Variants in ATP2B4 observed in about 807,000 individuals in gnomAD.
The protein encoded by ATP2B4 is plasma membrane calcium-transporting ATPase 4.
In ATP2B4, 39 loss-of-function variants were observed where a neutral mutation model predicts 110.3. That is an observed-to-expected ratio of 0.35 (90% confidence interval 0.27 to 0.46). The LOEUF (loss-of-function observed/expected upper bound fraction) is 0.46. Ranked by LOEUF, ATP2B4 falls within the 20% of genes least tolerant of loss-of-function variation. ATP2B4 has a pLI of 1.00. For missense variants in ATP2B4, 1,135 were observed against 1,530.9 expected (o/e 0.74, Z 4.32); for synonymous variants, 538 against 571.7 (o/e 0.94, Z 0.84).
intron 8 of ATP2B4, among the ~76,000 whole-genome samples, chr1:203,706,708 T>C (rs901809965): frequency 6.6e-5 from 10 of 152,162 alleles, no homozygotes; most frequent in African/African-American, 2.4e-4. Flanking sequence ...CCCTGATTTA[T>C]GAATGAGGAA....
intron 1 of ATP2B4, among the ~76,000 whole-genome samples, chr1:203,648,244 AG>A (rs1472356490): frequency 6.6e-6 from 1 of 152,170 alleles, no homozygotes; most frequent in Non-Finnish European, 1.5e-5. Context: ...AGAGAAGCTA[AG>A]TATATTTTAT....
At chr1:203,643,914 G>A (rs535167466) in intron 1 of ATP2B4, among the ~76,000 whole-genome samples, 1 of 152,322 alleles carries the variant, frequency 6.6e-6, no homozygotes, top group East Asian at 1.9e-4. Flanking sequence ...TATACTCGGT[G>A]TTTAGCACAG....
In ATP2B4 at chr1:203,705,078, G is replaced by A. The variant is rs900931749; in HGVS notation, c.1099+1265G>A. Among the ~76,000 whole-genome samples, 10 of 152,280 alleles carry A rather than the reference G, an allele frequency of 6.6e-5. No individual in the cohort carries two copies. The East Asian group carries it at 1.9e-3, about 29-fold the overall frequency. Reference sequence around the variant, plus strand: ...CTGCTGCAATTTAAATTAATTAAAAGTAAATAAAGTTAAAAATCCAGTTGC... The same window carrying A: ...CTGCTGCAATTTAAATTAATTAAAAATAAATAAAGTTAAAAATCCAGTTGC... On this transcript the variant is annotated intron_variant, in intron 8 of 20. Coordinates refer to ENST00000357681, the MANE Select transcript of ATP2B4 (RefSeq NM_001684.5).
intron 8 of ATP2B4, 93 bp from the exon 9 acceptor site, chr1:203,706,916 C>T: frequency 9.3e-7 from 1 of 1,073,188 alleles, no homozygotes; most frequent in Non-Finnish European, 1.4e-6. Flanking sequence ...TAATAATTGG[C>T]AACAAAGGCT....
chr1:203,717,884 TC>T (rs1666205023), intron 15 of ATP2B4, among the ~76,000 whole-genome samples: 1 of 152,020 alleles, frequency 6.6e-6, no homozygotes, highest in African/African-American at 2.4e-5. Flanking sequence ...CCGCAAGTGA[TC>T]CACCTACCTC....
intron 20 of ATP2B4, among the ~76,000 whole-genome samples, chr1:203,731,189 A>G (rs1666698511): frequency 6.6e-6 from 1 of 152,160 alleles, no homozygotes; most frequent in Admixed American, 6.5e-5. Flanking sequence ...CCTCAGTCCC[A>G]GGGAACTAAA....
chr1:203,687,994 GATTATTATT>G (rs71145015), intron 2 of ATP2B4, among the ~76,000 whole-genome samples: 1,563 of 138,666 alleles, frequency 0.011, 26 homozygotes, highest in East Asian at 0.017. Flanking sequence ...GAGAGAAAGA[GATTATTATT>G]ATTATTATTA....
intron 1 of ATP2B4, among the ~76,000 whole-genome samples, chr1:203,656,392 AAGTAGGT>A (rs1394486651): frequency 6.6e-6 from 1 of 152,182 alleles, no homozygotes; most frequent in East Asian, 1.9e-4. Flanking sequence ...AAACAGTGCC[AAGTAGGT>A]ATTATTCTAC....
chr1:203,722,348 C>A, intron 17 of ATP2B4, 130 bp from the exon 18 acceptor site: 1 of 738,756 alleles, frequency 1.4e-6, no homozygotes, highest in Non-Finnish European at 2.3e-6. Flanking sequence ...AAATAAATAA[C>A]TAGTGCAGCT....
At chr1:203,650,486 T>C (rs2102317179) in intron 1 of ATP2B4, among the ~76,000 whole-genome samples, 1 of 152,304 alleles carries the variant, frequency 6.6e-6, no homozygotes, top group Admixed American at 6.5e-5. Context: ...GCCCGCCTTA[T>C]TTGGGGCTTC....
rs190229258 is a variant in ATP2B4 at position 203,716,284 on chromosome 1, C to A, written c.2406+2007C>A. On this transcript the variant is annotated intron_variant, in intron 15 of 20. Transcript: ENST00000357681. The stretch of plus-strand genomic sequence containing the variant: ...TTGCAGTCTTTCTTATGCTCTCCCT[C>A]CCATGAGGAGTCAAACAGAGTCCAT... Among the ~76,000 whole-genome samples, 308 of 145,222 alleles carry A rather than the reference C, an allele frequency of 2.1e-3. 42 individuals carry two copies. The highest frequency in any genetic ancestry group is 0.011 in the Middle Eastern group (3 of 280).
intron 20 of ATP2B4, chr1:203,729,615 C>A (rs1324806077): frequency 2.8e-6 from 2 of 721,254 alleles, no homozygotes. Flanking sequence ...TACTTCCAGG[C>A]AGGTGCTTTT....
chr1:203,714,593 C>T (rs917559191), intron 15 of ATP2B4, among the ~76,000 whole-genome samples: 1 of 152,154 alleles, frequency 6.6e-6, no homozygotes, highest in Non-Finnish European at 1.5e-5. Flanking sequence ...CTATGGTAGG[C>T]GCTCTGTGTG....
chr1:203,683,661 T>C (rs571082101), intron 2 of ATP2B4, among the ~76,000 whole-genome samples: 23 of 142,400 alleles, frequency 1.6e-4, no homozygotes, highest in Admixed American at 7.1e-4. Flanking sequence ...CTTCTTCTTT[T>C]GTTTCTTTTT....
At chr1:203,701,525 A>G (rs1465603725) in intron 6 of ATP2B4, among the ~76,000 whole-genome samples, 1 of 152,220 alleles carries the variant, frequency 6.6e-6, no homozygotes, top group Non-Finnish European at 1.5e-5. Flanking sequence ...AGGGGAGAGA[A>G]GGTTTCTACC....
At chr1:203,710,110 G>A (rs937266413) in intron 11 of ATP2B4, among the ~76,000 whole-genome samples, 3 of 152,122 alleles carry the variant, frequency 2.0e-5, no homozygotes, top group African/African-American at 7.2e-5. Flanking sequence ...GCTCACGCCT[G>A]TAATCCCAGC....
intron 4 of ATP2B4, 87 bp from the exon 5 acceptor site, chr1:203,700,119 G>A: frequency 3.4e-6 from 5 of 1,476,178 alleles, no homozygotes; most frequent in Admixed American, 2.1e-5. Context: ...ACAGCCATGA[G>A]ATAGGGTTGA....
intron 14 of ATP2B4, 47 bp downstream of exon 14, chr1:203,713,299 C>T: frequency 6.2e-7 from 1 of 1,604,710 alleles, no homozygotes; most frequent in Non-Finnish European, 8.5e-7. Context: ...GAAGGCAGGC[C>T]AGGGCGAGGA....
chr1:203,701,038 A>C, intron 6 of ATP2B4, 115 bp downstream of exon 6: 1 of 1,356,642 alleles, frequency 7.4e-7, no homozygotes, highest in Non-Finnish European at 9.9e-7. Flanking sequence ...GCCATGAAGA[A>C]AGCAGATATC....
Sources: gnomAD v4.1 joint callset for allele counts (sites outside exome capture counted in the v4.1 genomes callset) on GRCh38, gnomAD v4.1.1 for gene constraint, MANE v1.5 for transcripts, NCBI Gene and HGNC (gene_info 2026-07-23, HGNC 2026-07-21) for gene names.